GAS7: variants seen among roughly 807,000 people sequenced by gnomAD.
The protein encoded by GAS7 is growth arrest-specific protein 7.
In GAS7, 28 loss-of-function variants were observed where a neutral mutation model predicts 71.1. The observed-to-expected ratio is 0.39, with a 90% confidence interval of 0.29 to 0.54. The LOEUF is 0.54. Among genes scored for constraint, GAS7 ranks in the 20% least tolerant of loss-of-function variants. The pLI is 0.62. For synonymous variants in GAS7, 258 were observed against 245.8 expected (o/e 1.05, Z -0.46); for missense variants, 436 against 627.8 (o/e 0.69, Z 3.27).
At chr17:9,942,254 A>G (rs1461834834) in intron 7 of GAS7, among the ~76,000 whole-genome samples, 1 of 152,102 alleles carries the variant, frequency 6.6e-6, no homozygotes, top group Non-Finnish European at 1.5e-5. Flanking sequence ...ACTCTGTCTA[A>G]AAGAAAAAAA....
rs76930225 is a variant in GAS7, at chr17:10,022,493, G to A, written c.184-2596C>T. Among the ~76,000 whole-genome samples the A allele has an allele frequency of 2.9e-4, 44 of 152,300 alleles. No homozygotes were observed. The East Asian group carries it at 6.0e-3, about 21-fold the overall frequency. ...GGAGACAGGAACCCACAGGCACAGCGAAAACAGCCCTCAGGCTCAAACAGC... is the reference window on the plus strand; with the variant it reads ...GGAGACAGGAACCCACAGGCACAGCAAAAACAGCCCTCAGGCTCAAACAGC... On this transcript the variant is annotated intron_variant, in intron 1 of 13. Coordinates refer to ENST00000432992, the MANE Select transcript of GAS7 (RefSeq NM_201433.2).
At chr17:9,945,322 T>C (rs1389005387) in intron 6 of GAS7, among the ~76,000 whole-genome samples, 1 of 147,742 alleles carries the variant, frequency 6.8e-6, no homozygotes, top group Non-Finnish European at 1.5e-5. Flanking sequence ...GATCACATCA[T>C]ATTGCTGCTT....
At chr17:10,050,710 C>G (rs554053257) in intron 1 of GAS7, among the ~76,000 whole-genome samples, 1 of 152,266 alleles carries the variant, frequency 6.6e-6, no homozygotes, top group East Asian at 1.9e-4. Flanking sequence ...AAAGGAAGGG[C>G]CCAGGGAGGA....
chr17:10,000,550 G>A (rs946068148), intron 2 of GAS7, among the ~76,000 whole-genome samples: 4 of 152,124 alleles, frequency 2.6e-5, no homozygotes, highest in Non-Finnish European at 5.9e-5. Context: ...AAGAGTGAAC[G>A]CAACAGGGCA....
chr17:10,051,290 C>T (rs2152236191), intron 1 of GAS7, among the ~76,000 whole-genome samples: 1 of 152,342 alleles, frequency 6.6e-6, no homozygotes, highest in South Asian at 2.1e-4. Flanking sequence ...AACGCTGAGT[C>T]ACTCATGTTG....
intron 1 of GAS7, among the ~76,000 whole-genome samples, chr17:10,153,507 C>T (rs1198011568): frequency 8.2e-6 from 1 of 121,970 alleles, no homozygotes; most frequent in East Asian, 2.4e-4. Flanking sequence ...CAGAGTGAGA[C>T]TCTTTGACTC....
intron 1 of GAS7, among the ~76,000 whole-genome samples, chr17:10,168,551 G>A (rs28597708): frequency 0.19 from 29,461 of 152,214 alleles, 3,015 homozygotes; most frequent in African/African-American, 0.24. Context: ...GACCGCTGGA[G>A]AGCCACAAAC....
At chr17:10,062,160 G>A (rs1175136671) in intron 1 of GAS7, among the ~76,000 whole-genome samples, 1 of 152,208 alleles carries the variant, frequency 6.6e-6, no homozygotes, top group Non-Finnish European at 1.5e-5. Context: ...CTACATGAAG[G>A]AGGAAATTTA....
rs969107894 is a variant in GAS7 at position 10,034,805 on chromosome 17, C to T, written c.184-14908G>A. On this transcript the variant is annotated intron_variant, in intron 1 of 13. Transcript: ENST00000432992. This position sits in a 1 kb window ranked among gnomAD's most constrained non-coding sequence, Gnocchi z 4.4. The stretch of plus-strand genomic sequence containing the variant: ...CAGGATTCTGTGCTTCCACCTCTCA[C>T]CACACTGAGTTCTGTCCTGATGCGT... 6.6e-6 allele frequency among the ~76,000 whole-genome samples: 1 copy of T among 152,200 alleles called. No homozygotes were observed. Among genetic ancestry groups the T allele is most frequent in the African/African-American group, 2.4e-5 (1 of 41,436 alleles).
chr17:10,180,049 G>A (rs1158441988), intron 1 of GAS7, among the ~76,000 whole-genome samples: 1 of 150,770 alleles, frequency 6.6e-6, no homozygotes, highest in Non-Finnish European at 1.5e-5. Context: ...TTAAAGATAC[G>A]GAAACTAATG....
At chr17:10,091,427 C>T (rs1567587807) in intron 1 of GAS7, among the ~76,000 whole-genome samples, 1 of 151,986 alleles carries the variant, frequency 6.6e-6, no homozygotes, top group Non-Finnish European at 1.5e-5. Flanking sequence ...CTTGCTCTGT[C>T]CCCAGGCTAG....
rs2067509175 is a variant in GAS7, at chr17:9,913,932, G to A, written c.*3296C>T. On this transcript the variant is annotated 3_prime_UTR_variant, in exon 14 of 14. Transcript: ENST00000432992. ...AAGGGGCTGACTTGTTCTCAGAAAT[G>A]GAAGGGACATTCTCAAGAATAGCCC... 4.3e-6 allele frequency: 1 copy of A among 231,980 alleles called. No individual in the cohort carries two copies. Among genetic ancestry groups the A allele is most frequent in the South Asian group, 1.8e-4 (1 of 5,504 alleles). The allele number at this position is 231,980 out of a possible 1,614,324, so 14.4% of individuals were successfully genotyped here. A position where few individuals can be genotyped will look rare whatever the true frequency, so the allele number is the denominator to read the frequency against.
intron 1 of GAS7, among the ~76,000 whole-genome samples, chr17:10,063,265 C>A (rs1249738889): frequency 6.6e-6 from 1 of 152,218 alleles, no homozygotes. Flanking sequence ...GCACCTGGCA[C>A]GTGTGTGTGC....
chr17:10,159,548 C>A (rs932662445), intron 1 of GAS7, among the ~76,000 whole-genome samples: 7 of 152,090 alleles, frequency 4.6e-5, no homozygotes, highest in African/African-American at 1.2e-4. Flanking sequence ...ATGCACCCCC[C>A]CCAACCTCCA....
chr17:9,963,617 C>T (rs1255809176), intron 4 of GAS7, among the ~76,000 whole-genome samples: 1 of 151,938 alleles, frequency 6.6e-6, no homozygotes, highest in Non-Finnish European at 1.5e-5. Context: ...ACCTGTAACC[C>T]TAGGCTTTGA....
chr17:9,981,992 C>T lies in GAS7; in HGVS notation c.305-108G>A. The T allele has an allele frequency of 1.4e-6, 1 of 691,366 alleles. No homozygotes were observed. Among genetic ancestry groups the T allele is most frequent in the Non-Finnish European group, 2.6e-6 (1 of 380,762 alleles). The allele number at this position is 691,366 out of a possible 1,614,324, so 42.8% of individuals were successfully genotyped here. ...AGAGCTGGAGAAAAAGAGAGACAGC[C>T]AATCGCCCTCCTCCCCAACCCTGGC... On this transcript the variant is annotated intron_variant, in intron 2 of 13. Coordinates refer to ENST00000432992, the MANE Select transcript of GAS7 (RefSeq NM_201433.2). The surrounding 1 kb of genome is among the most constrained non-coding windows in gnomAD (Gnocchi z 4.4).
At chr17:10,028,219 T>A (rs529081946) in intron 1 of GAS7, among the ~76,000 whole-genome samples, 5 of 152,270 alleles carry the variant, frequency 3.3e-5, no homozygotes, top group Admixed American at 6.5e-5. Flanking sequence ...TTTCTTTTTT[T>A]TAAATTTAGC....
intron 1 of GAS7, among the ~76,000 whole-genome samples, chr17:10,098,058 A>AAAAAAAAAG (rs2073661290): frequency 6.7e-6 from 1 of 148,254 alleles, no homozygotes; most frequent in African/African-American, 2.5e-5. Flanking sequence ...AAAAAAAAAA[A>AAAAAAAAAG]AGTGTACATT....
intron 1 of GAS7, among the ~76,000 whole-genome samples, chr17:10,094,626 G>A (rs1007126459): frequency 1.1e-4 from 17 of 152,000 alleles, no homozygotes; most frequent in African/African-American, 3.6e-4. Context: ...GCGCCACCAC[G>A]CCTGACTAAT....
Sources: allele counts gnomAD v4.1 joint callset (sites outside exome capture counted in the v4.1 genomes callset), GRCh38; gene constraint gnomAD v4.1.1; non-coding constraint Gnocchi (gnomAD v3.1); transcripts MANE v1.5; gene names NCBI Gene and HGNC (gene_info 2026-07-23, HGNC 2026-07-21).